DDX60: variants seen among roughly 807,000 people sequenced by gnomAD.
DDX60 encodes the protein probable ATP-dependent RNA helicase DDX60.
DDX60 carries 165 observed loss-of-function variants against 212.8 expected under a neutral mutation model. The ratio of observed to expected loss-of-function variants is 0.78; its 90% CI spans 0.68 to 0.88. DDX60 has a LOEUF of 0.88. DDX60 is among the 40% of genes least tolerant of loss of function. The pLI is 0.00. For synonymous variants in DDX60, 703 were observed against 685.3 expected, an observed-to-expected ratio of 1.03 and a Z score of -0.40; for missense variants, 1,905 against 2,003.9, an observed-to-expected ratio of 0.95 and a Z score of 0.94.
rs1484708256 is a variant in DDX60 at position 168,280,236 on chromosome 4, G to A, written c.1978+99C>T. On this transcript the variant is annotated intron_variant, in intron 14 of 37. Transcript: ENST00000393743. ...GTATAAAGTAAGATAGGGCATGTAA[G>A]TCTTCTAATGCAAATTTCCAGTTAA... The A allele has an allele frequency of 5.6e-6, 8 of 1,421,654 alleles. No individual in the cohort carries two copies. In the Middle Eastern group the frequency reaches 7.3e-4, roughly 130 times the overall value. 88.1% of individuals were successfully genotyped at this position (1,421,654 alleles called of 1,614,324 possible).
chr4:168,218,381 T>A (rs1490756757), intron 37 of DDX60, among the ~76,000 whole-genome samples: 2 of 152,196 alleles, frequency 1.3e-5, no homozygotes, highest in Non-Finnish European at 2.9e-5. Context: ...TGGTCATCTT[T>A]ACCAACTGCA....
In DDX60 at chr4:168,220,969, C is replaced by T. The variant is rs375342344; in HGVS notation, c.4977-252G>A. Among the ~76,000 whole-genome samples the T allele has an allele frequency of 7.2e-5, 11 of 152,038 alleles. No individual in the cohort carries two copies. The East Asian group carries it at 1.5e-3, about 21-fold the overall frequency. On this transcript the variant is annotated intron_variant, in intron 36 of 37. Transcript: ENST00000393743. ...GAGGCTGGCCATCTCAGGAGATAACCAAAACAGGAAAATAAAGCTCAGGAG... is the reference window on the plus strand; with the variant it reads ...GAGGCTGGCCATCTCAGGAGATAACTAAAACAGGAAAATAAAGCTCAGGAG...
At chr4:168,322,332 T>C (rs1737624322), upstream of DDX60, among the ~76,000 whole-genome samples, 1 of 152,180 alleles carries the variant, frequency 6.6e-6, no homozygotes, top group Non-Finnish European at 1.5e-5. Flanking sequence ...TGGGAGCCAT[T>C]GTTGCATCCT....
intron 6 of DDX60, among the ~76,000 whole-genome samples, chr4:168,296,582 G>A (rs2149539577): frequency 6.6e-6 from 1 of 152,050 alleles, no homozygotes; most frequent in Non-Finnish European, 1.5e-5. Flanking sequence ...TGACAAGCTG[G>A]CAGAAAAAGA....
chr4:168,242,403 C>T (rs903951763), intron 30 of DDX60, among the ~76,000 whole-genome samples: 2 of 152,216 alleles, frequency 1.3e-5, no homozygotes, highest in Non-Finnish European at 2.9e-5. Context: ...CCTATGAAGG[C>T]AGCCAGGAGG....
intron 33 of DDX60, among the ~76,000 whole-genome samples, chr4:168,231,052 A>G (rs1245954189): frequency 6.6e-6 from 1 of 151,990 alleles, no homozygotes; most frequent in Admixed American, 6.6e-5. Flanking sequence ...GAAAAAAAAA[A>G]TTATTCAAGG....
In DDX60 at chr4:168,216,961, G is replaced by A; in HGVS notation, c.5111C>T (p.Thr1704Ile). The A allele has an allele frequency of 1.9e-6, 3 of 1,602,782 alleles. No homozygotes were observed. Among genetic ancestry groups the A allele is most frequent in the Non-Finnish European group, 2.6e-6 (3 of 1,176,432 alleles). ...VVLAFEQLST[T>I]FWEKLNKV ...GACTTTGTTTAACTTTTCCCAAAAAGTTGTACTCAGTTGTTCAAAGGCTAA... is the reference window on the plus strand; with the variant it reads ...GACTTTGTTTAACTTTTCCCAAAAAATTGTACTCAGTTGTTCAAAGGCTAA... Residue 1704 changes from threonine to isoleucine, a missense_variant, in exon 38 of 38, where the codon ACT becomes ATT. Physicochemically the swap from Thr to Ile is moderately conservative, Grantham distance 89. Transcript: ENST00000393743.
At chr4:168,240,518 C>T (rs1480398179) in intron 30 of DDX60, among the ~76,000 whole-genome samples, 2 of 152,118 alleles carry the variant, frequency 1.3e-5, no homozygotes, top group Non-Finnish European at 2.9e-5. Flanking sequence ...ACAGCCAAGA[C>T]AATCCTAAGC....
Position 168,311,338 on chromosome 4 carries a change from G to GTGGCAGTTCTTAATGAAAA in DDX60, c.-98_-80dup. 1 of 1,482,530 alleles carries GTGGCAGTTCTTAATGAAAA rather than the reference G, an allele frequency of 6.7e-7. No individual in the cohort carries two copies. Among genetic ancestry groups the GTGGCAGTTCTTAATGAAAA allele is most frequent in the Non-Finnish European group, 9.3e-7 (1 of 1,079,686 alleles). 91.8% of individuals were successfully genotyped at this position (1,482,530 alleles called of 1,614,324 possible). ...ATACCCTTTATTTTGGTACCTCTAA[G>GTGGCAGTTCTTAATGAAAA]TGGCAGTTCTTAATGAAAATGGCAG... On this transcript the variant is annotated 5_prime_UTR_variant, in exon 2 of 38. Coordinates refer to ENST00000393743, the MANE Select transcript of DDX60 (RefSeq NM_017631.6).
chr4:168,263,237 G>T (rs1203170609), intron 22 of DDX60, among the ~76,000 whole-genome samples: 2 of 152,090 alleles, frequency 1.3e-5, no homozygotes, highest in African/African-American at 2.4e-5. Flanking sequence ...TAAGAACTGG[G>T]TCAACTTCAA....
At chr4:168,237,183 G>T in intron 32 of DDX60, 103 bp downstream of exon 32, 1 of 764,500 alleles carries the variant, frequency 1.3e-6, no homozygotes, top group Non-Finnish European at 1.8e-6. Context: ...CATATTAATT[G>T]TATTTTCTTT....
At chr4:168,255,606 G>T in intron 26 of DDX60, 105 bp downstream of exon 26, 1 of 981,616 alleles carries the variant, frequency 1.0e-6, no homozygotes, top group Non-Finnish European at 1.4e-6. Context: ...AAGTCCAAGC[G>T]ACAACTAGAA....
intron 6 of DDX60, among the ~76,000 whole-genome samples, chr4:168,294,465 G>A (rs1730912854): frequency 6.6e-6 from 1 of 151,620 alleles, no homozygotes; most frequent in Non-Finnish European, 1.5e-5. Context: ...GCAGTCCACA[G>A]ATTTTGCAAA....
chr4:168,275,912 T>TAAAA lies in DDX60; in HGVS notation c.2145+99_2145+102dup. 7 of 928,664 alleles carry TAAAA rather than the reference T, an allele frequency of 7.5e-6. No homozygotes were observed. The South Asian group carries it at 8.8e-5, about 12-fold the overall frequency. The allele number at this position is 928,664 out of a possible 1,614,324, so 57.5% of individuals were successfully genotyped here. ...TTACTACTAATAATAGTATTTTCAGTAAAAAAAAAAAAAAAATCTGGAAGA... is the reference window on the plus strand; with the variant it reads ...TTACTACTAATAATAGTATTTTCAGTAAAAAAAAAAAAAAAAAAAATCTGGAAGA... On this transcript the variant is annotated intron_variant, in intron 15 of 37. Transcript: ENST00000393743.
intron 30 of DDX60, among the ~76,000 whole-genome samples, chr4:168,239,890 CAA>C (rs199943289): frequency 7.0e-6 from 1 of 143,620 alleles, no homozygotes; most frequent in Non-Finnish European, 1.5e-5. Flanking sequence ...CTATATGCAG[CAA>C]AAAAAAAAAG....
intron 31 of DDX60, 72 bp from the exon 32 acceptor site, chr4:168,237,499 T>G: frequency 7.1e-7 from 1 of 1,412,876 alleles, no homozygotes; most frequent in Non-Finnish European, 9.5e-7. Flanking sequence ...AAGTACCAGT[T>G]TAAAATAGTA....
chr4:168,253,742 C>G (rs990153246), intron 26 of DDX60, among the ~76,000 whole-genome samples: 1 of 152,150 alleles, frequency 6.6e-6, no homozygotes, highest in Non-Finnish European at 1.5e-5. Flanking sequence ...CAATAAATCC[C>G]TTCCACAGAT....
At chr4:168,321,088 T>G (rs940885654), upstream of DDX60, among the ~76,000 whole-genome samples, 2 of 152,196 alleles carry the variant, frequency 1.3e-5, no homozygotes, top group Non-Finnish European at 2.9e-5. Flanking sequence ...CTTTGACTCA[T>G]CCTCTTCAAT....
chr4:168,275,868 T>A, intron 15 of DDX60, 147 bp downstream of exon 15: 1 of 654,798 alleles, frequency 1.5e-6, no homozygotes. Flanking sequence ...ATGTATTACT[T>A]CAAGATTGGG....
Sources: allele counts gnomAD v4.1 joint callset (sites outside exome capture counted in the v4.1 genomes callset), GRCh38; gene constraint gnomAD v4.1.1; transcripts MANE v1.5; gene names NCBI Gene and HGNC (gene_info 2026-07-23, HGNC 2026-07-21).